CSMD1: variants seen among roughly 807,000 people sequenced by gnomAD.
The protein encoded by CSMD1 is CUB and sushi domain-containing protein 1.
CSMD1 carries 213 observed loss-of-function variants against 417.5 expected under a neutral mutation model. The ratio of observed to expected loss-of-function variants is 0.51; its 90% CI spans 0.46 to 0.57. CSMD1 has a LOEUF of 0.57. Among genes scored for constraint, CSMD1 ranks in the 20% least tolerant of loss-of-function variants. CSMD1 has a pLI of 0.00. For synonymous variants in CSMD1, 2,862 were observed against 1,736.8 expected, an observed-to-expected ratio of 1.65 and a Z score of -16.11; for missense variants, 6,923 against 4,529.7, an observed-to-expected ratio of 1.53 and a Z score of -15.17.
chr8:4,637,453 G>A lies in CSMD1; in HGVS notation c.191C>T (p.Thr64Met), dbSNP rs770354325. The A allele has an allele frequency of 2.2e-5, 35 of 1,613,632 alleles. No individual in the cohort carries two copies. The highest frequency in any genetic ancestry group is 2.1e-4 in the South Asian group (19 of 91,078). ...NYANCTWIII[T>M]GERNRIQLSF... is the part of the protein sequence containing the mutation. Reference sequence around the variant, plus strand: ...CAACTGTATCCTATTGCGCTCGCCCGTGATGATGATCCAGGTGCAGTTGGC... The same window carrying A: ...CAACTGTATCCTATTGCGCTCGCCCATGATGATGATCCAGGTGCAGTTGGC... Residue 64 changes from threonine (T) to methionine (M), a missense_variant, in exon 2 of 70, where the codon ACG (threonine) becomes ATG (methionine). By Grantham distance (81) the Thr-to-Met change is moderately conservative. Transcript: ENST00000635120.
At chr8:4,981,824 G>C (rs1241767392) in intron 1 of CSMD1, among the ~76,000 whole-genome samples, 1 of 152,086 alleles carries the variant, frequency 6.6e-6, no homozygotes, top group Non-Finnish European at 1.5e-5. Flanking sequence ...ATGTGATTAT[G>C]TGTACAGGAT....
At chr8:4,823,350 A>C (rs149363354) in intron 1 of CSMD1, among the ~76,000 whole-genome samples, 94 of 152,246 alleles carry the variant, frequency 6.2e-4, no homozygotes, top group African/African-American at 2.2e-3. Flanking sequence ...TATTACAATT[A>C]CAATTACACT....
chr8:3,405,915 T>C lies in CSMD1; in HGVS notation c.2266+112A>G, dbSNP rs530403408. ...CTGTTGGTTAAGTGACTGTGTGTGG[T>C]ATTTTGTTAGGGCAGCCCTAGCAAG... On this transcript the variant is annotated intron_variant, in intron 15 of 69. Coordinates refer to ENST00000635120, the MANE Select transcript of CSMD1 (RefSeq NM_033225.6). 236 of 946,712 alleles carry C rather than the reference T, an allele frequency of 2.5e-4. 2 individuals carry two copies. The Middle Eastern group carries it at 2.7e-3, about 11-fold the overall frequency. The allele number at this position is 946,712 out of a possible 1,614,324, so 58.6% of individuals were successfully genotyped here.
chr8:4,650,747 AT>A (rs1282110115), intron 1 of CSMD1, among the ~76,000 whole-genome samples: 1 of 151,636 alleles, frequency 6.6e-6, no homozygotes, highest in Non-Finnish European at 1.5e-5. Context: ...GAAAATATGT[AT>A]TTTGCCTATT....
chr8:4,745,472 C>T (rs575358309), intron 1 of CSMD1, among the ~76,000 whole-genome samples: 1 of 152,184 alleles, frequency 6.6e-6, no homozygotes, highest in Admixed American at 6.5e-5. Context: ...CTATTTAACA[C>T]TGTGGTATCA....
intron 1 of CSMD1, among the ~76,000 whole-genome samples, chr8:4,692,034 C>T (rs530502470): frequency 1.3e-5 from 2 of 152,298 alleles, no homozygotes; most frequent in South Asian, 4.1e-4. Flanking sequence ...GTCCTACTAT[C>T]CTGAATTATG....
At chr8:4,671,849 C>T (rs979927850) in intron 1 of CSMD1, among the ~76,000 whole-genome samples, 3 of 152,120 alleles carry the variant, frequency 2.0e-5, no homozygotes, top group African/African-American at 7.2e-5. Context: ...TTCATTTATG[C>T]TTCATCTTTT....
At chr8:4,026,566 A>C (rs950323741) in intron 4 of CSMD1, among the ~76,000 whole-genome samples, 7 of 152,256 alleles carry the variant, frequency 4.6e-5, no homozygotes, top group Non-Finnish European at 1.0e-4. Context: ...GCTTAGGCCA[A>C]GTTTTAATGT....
At chr8:4,393,420 A>T (rs919565945) in intron 3 of CSMD1, among the ~76,000 whole-genome samples, 5 of 152,208 alleles carry the variant, frequency 3.3e-5, no homozygotes, top group African/African-American at 9.6e-5. Flanking sequence ...TAATAGGGAA[A>T]ATACATAGAA....
chr8:4,993,909 G>A (rs374028639), intron 1 of CSMD1, among the ~76,000 whole-genome samples: 2 of 152,074 alleles, frequency 1.3e-5, no homozygotes, highest in Non-Finnish European at 2.9e-5. Context: ...CTTCACCCGG[G>A]ACGCTTTCCC....
chr8:3,102,817 G>T (rs2129013206), intron 46 of CSMD1, among the ~76,000 whole-genome samples: 1 of 152,316 alleles, frequency 6.6e-6, no homozygotes, highest in South Asian at 2.1e-4. Flanking sequence ...AAGCCTGGAA[G>T]GTAACAAAGA....
At position 4,312,467 on chromosome 8, in the gene CSMD1, A is replaced by ATATATATACGTATATATATGCGCG. The variant is rs1268171891; in HGVS notation, c.415+107485_415+107486insCGCGCATATATATACGTATATATA. Among the ~76,000 whole-genome samples the ATATATATACGTATATATATGCGCG allele has an allele frequency of 9.8e-3, 1,321 of 135,118 alleles. 61 individuals are homozygous for ATATATATACGTATATATATGCGCG. The highest frequency in any genetic ancestry group is 0.045 in the African/African-American group (1,270 of 28,530). The allele number at this position is 135,118 out of a possible 152,430, so 88.6% of individuals were successfully genotyped here. A position where few individuals can be genotyped will look rare whatever the true frequency, so the allele number is the denominator to read the frequency against. On this transcript the variant is annotated intron_variant, in intron 3 of 69. Transcript: ENST00000635120. Reference sequence around the variant, plus strand: ...TATATATACGTATATATATGCGCGTATATATATATATACACATATAGAACT... The same window carrying ATATATATACGTATATATATGCGCG: ...TATATATACGTATATATATGCGCGTATATATATACGTATATATATGCGCGTATATATATATACACATATAGAACT...
chr8:3,878,914 G>T (rs543113297), intron 5 of CSMD1, among the ~76,000 whole-genome samples: 1 of 152,162 alleles, frequency 6.6e-6, no homozygotes, highest in Non-Finnish European at 1.5e-5. Flanking sequence ...TGAAGTCTCA[G>T]AGAATGTACA....
rs754052857 is a variant in CSMD1, at chr8:3,230,111, C to A, written c.4274G>T (p.Gly1425Val). ...FQCDPGYQLQ[G>V]QAKITCVQLN... ...CTGCACACAGGTGATTTTGGCTTGT[C>A]CTTGGAGCTGATAGCCAGGGTCACA... Residue 1425 changes from glycine (G) to valine (V), a missense_variant, in exon 27 of 70, where the codon GGA (glycine) becomes GTA (valine). By Grantham distance (109) the Gly-to-Val change is moderately radical. Coordinates refer to ENST00000635120, the MANE Select transcript of CSMD1 (RefSeq NM_033225.6). 1 of 1,613,672 alleles carries A rather than the reference C, an allele frequency of 6.2e-7. No individual in the cohort carries two copies. Among genetic ancestry groups the A allele is most frequent in the South Asian group, 1.1e-5 (1 of 91,068 alleles).
At chr8:4,880,580 C>T (rs1223992608) in intron 1 of CSMD1, among the ~76,000 whole-genome samples, 2 of 152,104 alleles carry the variant, frequency 1.3e-5, no homozygotes, top group African/African-American at 2.4e-5. Context: ...AGACACACTT[C>T]CTGTGTTCTC....
chr8:4,923,527 CATAT>C, intron 1 of CSMD1, among the ~76,000 whole-genome samples: 1 of 151,310 alleles, frequency 6.6e-6, no homozygotes, highest in South Asian at 2.1e-4. Context: ...CATATATATT[CATAT>C]ATATATATAC....
chr8:3,664,765 G>C (rs771442586), intron 7 of CSMD1, among the ~76,000 whole-genome samples: 2 of 152,160 alleles, frequency 1.3e-5, no homozygotes, highest in African/African-American at 4.8e-5. Context: ...TGAAAATAAA[G>C]AGTACATCCT....
chr8:3,151,143 T>C (rs1035699344), intron 40 of CSMD1: 3 of 346,208 alleles, frequency 8.7e-6, no homozygotes, highest in Admixed American at 8.9e-5. Flanking sequence ...CTATATTTTG[T>C]ACTTCGTATG....
At chr8:4,273,126 T>A (rs973521044) in intron 3 of CSMD1, among the ~76,000 whole-genome samples, 4 of 152,104 alleles carry the variant, frequency 2.6e-5, no homozygotes, top group African/African-American at 9.7e-5. Context: ...AGCCAAATGA[T>A]AGAGGGAAAA....
Sources: allele counts gnomAD v4.1 joint callset (sites outside exome capture counted in the v4.1 genomes callset), GRCh38; gene constraint gnomAD v4.1.1; transcripts MANE v1.5; gene names NCBI Gene and HGNC (gene_info 2026-07-23, HGNC 2026-07-21).